The following PPP1R12A variants were observed in gnomAD, a reference collection of about 807,000 sequenced individuals.
PPP1R12A encodes myosin binding subunit.
Under a neutral mutation model 139.6 loss-of-function variants are expected in PPP1R12A, and 19 were observed. The ratio of observed to expected loss-of-function variants is 0.14; its 90% CI spans 0.09 to 0.20. The LOEUF (loss-of-function observed/expected upper bound fraction) is 0.20, where lower values mean the gene tolerates loss of function less well. Ranked by LOEUF, PPP1R12A falls within the 10% of genes least tolerant of loss-of-function variation. The pLI, the probability that PPP1R12A is intolerant of heterozygous loss-of-function variation, is 1.00. For synonymous variants in PPP1R12A, 427 were observed against 420.6 expected (o/e 1.02, Z -0.19); for missense variants, 925 against 1,211.5 (o/e 0.76, Z 3.51).
chr12:79,912,328 G>C (rs550502986), intron 1 of PPP1R12A, among the ~76,000 whole-genome samples: 1 of 152,208 alleles, frequency 6.6e-6, no homozygotes, highest in African/African-American at 2.4e-5. Context: ...GTCTTGTTTT[G>C]CTAATCTCTG....
intron 9 of PPP1R12A, among the ~76,000 whole-genome samples, chr12:79,812,204 T>C (rs1245005736): frequency 6.6e-6 from 1 of 152,188 alleles, no homozygotes; most frequent in Admixed American, 6.5e-5. Flanking sequence ...TGGATTTAAG[T>C]ACTGCTTTAT....
chr12:79,935,030 G>C lies in PPP1R12A; in HGVS notation c.-99C>G, dbSNP rs780574722. On this transcript the variant is annotated 5_prime_UTR_variant, in exon 1 of 25. Transcript: ENST00000450142. ...AGGGGGTGTGTGAATGTTTCTATGA[G>C]TGCGGGCCAGAGGAGGGCTGGGAAC... is the stretch of plus-strand genomic sequence containing the variant. 6.9e-7 allele frequency: 1 copy of C among 1,452,332 alleles called. No individual in the cohort carries two copies. The highest frequency in any genetic ancestry group is 9.1e-7 in the Non-Finnish European group (1 of 1,101,416). The allele number at this position is 1,452,332 out of a possible 1,614,324, so 90.0% of individuals were successfully genotyped here.
intron 24 of PPP1R12A, among the ~76,000 whole-genome samples, chr12:79,776,506 C>G (rs1869744180): frequency 6.6e-6 from 1 of 152,074 alleles, no homozygotes; most frequent in African/African-American, 2.4e-5. Flanking sequence ...TTAAACGATT[C>G]ACCTACAGTA....
At chr12:79,852,010 T>C (rs1056305147) in intron 2 of PPP1R12A, among the ~76,000 whole-genome samples, 2 of 152,182 alleles carry the variant, frequency 1.3e-5, no homozygotes, top group African/African-American at 4.8e-5. Flanking sequence ...TTCTATTTTT[T>C]CATTTGTTTC....
intron 1 of PPP1R12A, among the ~76,000 whole-genome samples, chr12:79,916,734 A>C (rs1887023799): frequency 1.3e-5 from 2 of 152,210 alleles, no homozygotes; most frequent in Admixed American, 1.3e-4. Context: ...GGTTCAGAGA[A>C]AAGGCAAGTA....
intron 14 of PPP1R12A, among the ~76,000 whole-genome samples, chr12:79,803,472 A>G (rs1250158304): frequency 6.6e-6 from 1 of 152,108 alleles, no homozygotes; most frequent in Non-Finnish European, 1.5e-5. Flanking sequence ...TTAGATGCTT[A>G]CCATTTTCTG....
At chr12:79,935,377 A>C, upstream of PPP1R12A, 1 of 997,366 alleles carries the variant, frequency 1.0e-6, no homozygotes, top group South Asian at 4.4e-5. Context: ...GCGGGGAAGG[A>C]AGGTTGTCCT....
At chr12:79,918,730 T>G (rs1399975230) in intron 1 of PPP1R12A, among the ~76,000 whole-genome samples, 2 of 152,190 alleles carry the variant, frequency 1.3e-5, no homozygotes, top group African/African-American at 2.4e-5. Context: ...TACCTTCAGC[T>G]TTGTCCTCTC....
intron 1 of PPP1R12A, among the ~76,000 whole-genome samples, chr12:79,876,047 A>G (rs568056250): frequency 2.6e-5 from 4 of 152,316 alleles, no homozygotes; most frequent in African/African-American, 9.6e-5. Context: ...CTGATGAGAG[A>G]TAATGGATCA....
At chr12:79,878,551 G>A (rs557104511) in intron 1 of PPP1R12A, 1 of 152,140 alleles carries the variant, frequency 6.6e-6, no homozygotes, top group Non-Finnish European at 1.5e-5. Context: ...TGCTAATAAA[G>A]ACATACCAGA....
chr12:79,890,905 CCA>C lies in PPP1R12A; in HGVS notation c.238-17969_238-17968del, dbSNP rs1303227049. On this transcript the variant is annotated intron_variant, in intron 1 of 24. Transcript: ENST00000450142. ...ACACACACCACCCACCCACACCCAC[CCA>C]CACACACACACACACACACACACAC... Among the ~76,000 whole-genome samples the C allele has an allele frequency of 1.2e-3, 143 of 115,716 alleles. 1 individual carries two copies. Among genetic ancestry groups the C allele is most frequent in the Non-Finnish European group, 1.6e-3 (96 of 58,328 alleles). 75.9% of individuals were successfully genotyped at this position (115,716 alleles called of 152,430 possible).
At chr12:79,920,934 C>G (rs1422595225) in intron 1 of PPP1R12A, among the ~76,000 whole-genome samples, 1 of 152,180 alleles carries the variant, frequency 6.6e-6, no homozygotes, top group Non-Finnish European at 1.5e-5. Flanking sequence ...ATACAACATC[C>G]TAGTCATTAC....
intron 1 of PPP1R12A, among the ~76,000 whole-genome samples, chr12:79,915,640 C>T (rs1886931110): frequency 6.6e-6 from 1 of 151,992 alleles, no homozygotes; most frequent in South Asian, 2.1e-4. Context: ...AAATTAATAC[C>T]CATTATCTTT....
intron 14 of PPP1R12A, among the ~76,000 whole-genome samples, chr12:79,799,353 T>G (rs375577593): frequency 4.3e-4 from 65 of 152,296 alleles, no homozygotes; most frequent in African/African-American, 1.5e-3. Flanking sequence ...TTCATCCATG[T>G]TGGCCAGGCT....
chr12:79,906,346 T>A (rs1023465330), intron 1 of PPP1R12A, among the ~76,000 whole-genome samples: 1 of 152,052 alleles, frequency 6.6e-6, no homozygotes, highest in Non-Finnish European at 1.5e-5. Context: ...ACACAAAGTA[T>A]ATAAAAATAC....
Position 79,885,821 on chromosome 12 carries a change from G to A in PPP1R12A, c.238-12883C>T, listed in dbSNP as rs534708138. 7.2e-5 allele frequency among the ~76,000 whole-genome samples: 11 copies of A among 152,190 alleles called. No individual in the cohort carries two copies. The South Asian group carries it at 2.1e-3, about 29-fold the overall frequency. On this transcript the variant is annotated intron_variant, in intron 1 of 24. Coordinates refer to ENST00000450142, the MANE Select transcript of PPP1R12A (RefSeq NM_002480.3). Reference sequence around the variant, plus strand: ...AGTTTGAATTACTTTGAATACAGAAGTTCTCTTAGTCAATTTCCTCTTCAC... The same window carrying A: ...AGTTTGAATTACTTTGAATACAGAAATTCTCTTAGTCAATTTCCTCTTCAC...
chr12:79,812,387 T>TGC (rs753973147), intron 9 of PPP1R12A, among the ~76,000 whole-genome samples: 178 of 140,092 alleles, frequency 1.3e-3, no homozygotes, highest in Non-Finnish European at 1.7e-3. Flanking sequence ...TGACTCTGTG[T>TGC]GTGCGTGTGT....
At chr12:79,908,932 G>C (rs546215931) in intron 1 of PPP1R12A, among the ~76,000 whole-genome samples, 1 of 152,330 alleles carries the variant, frequency 6.6e-6, no homozygotes, top group South Asian at 2.1e-4. Flanking sequence ...GATGCATCCA[G>C]GAAGTTTCTG....
chr12:79,811,062 G>A (rs140056421), intron 9 of PPP1R12A, among the ~76,000 whole-genome samples: 1 of 152,046 alleles, frequency 6.6e-6, no homozygotes, highest in African/African-American at 2.4e-5. Flanking sequence ...TTCACTTCTA[G>A]AAATTCTATA....
Sources: allele counts gnomAD v4.1 joint callset (sites outside exome capture counted in the v4.1 genomes callset), GRCh38; gene constraint gnomAD v4.1.1; transcripts MANE v1.5; gene names NCBI Gene and HGNC (gene_info 2026-07-23, HGNC 2026-07-21).